The following MNAT1 variants were observed in gnomAD, a reference collection of about 807,000 sequenced individuals.
MNAT1 encodes the protein MNAT1 component of CDK activating kinase.
Under a neutral mutation model 42.0 loss-of-function variants are expected in MNAT1, and 43 were observed. The ratio of observed to expected loss-of-function variants is 1.02; its 90% CI spans 0.80 to 1.32. The LOEUF (loss-of-function observed/expected upper bound fraction) is 1.32. MNAT1 is among the 40% of genes most tolerant of loss of function. The probability of loss-of-function intolerance (pLI) is 0.00; values close to 1 mark genes in which losing one functional copy is unlikely to be tolerated. For missense variants in MNAT1, 306 were observed against 350.4 expected, an observed-to-expected ratio of 0.87 and a Z score of 1.01; for synonymous variants, 118 against 120.0, an observed-to-expected ratio of 0.98 and a Z score of 0.11.
intron 7 of MNAT1, among the ~76,000 whole-genome samples, chr14:60,963,628 G>A (rs1390748016): frequency 6.6e-6 from 1 of 152,152 alleles, no homozygotes; most frequent in Non-Finnish European, 1.5e-5. Context: ...CTTAATGGCA[G>A]TTAGATTTGA....
chr14:60,767,805 G>A (rs111304500), intron 1 of MNAT1, among the ~76,000 whole-genome samples: 17,379 of 151,596 alleles, frequency 0.11, 1,194 homozygotes, highest in Admixed American at 0.21. Flanking sequence ...TCACTCTGTC[G>A]CCAGGCTGGA....
intron 7 of MNAT1, among the ~76,000 whole-genome samples, chr14:60,959,730 G>A (rs1160214379): frequency 6.6e-6 from 1 of 152,166 alleles, no homozygotes; most frequent in Admixed American, 6.5e-5. Context: ...TTCATGGGTA[G>A]CGTCCAATTA....
chr14:60,942,023 A>AAG (rs1266649241), intron 7 of MNAT1, among the ~76,000 whole-genome samples: 1 of 150,406 alleles, frequency 6.6e-6, no homozygotes, highest in African/African-American at 2.4e-5. Context: ...AAAAAAAAAA[A>AAG]AAAAAAAAAG....
At chr14:60,871,407 C>T (rs2052570479) in intron 6 of MNAT1, among the ~76,000 whole-genome samples, 1 of 152,158 alleles carries the variant, frequency 6.6e-6, no homozygotes, top group Non-Finnish European at 1.5e-5. Context: ...CTCTCATCTG[C>T]AGTGTCCATG....
At position 60,916,812 on chromosome 14, in the gene MNAT1, G is replaced by A. The variant is rs368058112; in HGVS notation, c.809+36977G>A. 3.0e-4 allele frequency among the ~76,000 whole-genome samples: 46 copies of A among 152,222 alleles called. No individual in the cohort carries two copies. The East Asian group carries it at 3.9e-3, about 13-fold the overall frequency. ...ACTAAAATATAAAAAAATTAGCCAG[G>A]TGCGGTTGTGCATGCCAGTAGTCCC... On this transcript the variant is annotated intron_variant, in intron 7 of 7. Coordinates refer to ENST00000261245, the MANE Select transcript of MNAT1 (RefSeq NM_002431.4).
At chr14:60,917,003 G>GCCAAA (rs1419621240) in intron 7 of MNAT1, among the ~76,000 whole-genome samples, 17 of 151,984 alleles carry the variant, frequency 1.1e-4, no homozygotes, top group Admixed American at 3.9e-4. Flanking sequence ...AAAATAACCT[G>GCCAAA]TAAGCATTGG....
At chr14:60,909,145 C>A (rs1209180482) in intron 7 of MNAT1, among the ~76,000 whole-genome samples, 2 of 152,126 alleles carry the variant, frequency 1.3e-5, no homozygotes, top group African/African-American at 4.8e-5. Flanking sequence ...GTGTTCATAT[C>A]CTTCACCCAC....
intron 6 of MNAT1, among the ~76,000 whole-genome samples, chr14:60,849,431 G>A (rs1164849431): frequency 6.6e-6 from 1 of 152,142 alleles, no homozygotes; most frequent in African/African-American, 2.4e-5. Context: ...TTGAGTTATA[G>A]TCTGCTCTAA....
chr14:60,902,610 TAAG>T (rs1354256998), intron 7 of MNAT1, among the ~76,000 whole-genome samples: 2 of 152,122 alleles, frequency 1.3e-5, no homozygotes, highest in African/African-American at 4.8e-5. Flanking sequence ...ACTTAGCTAA[TAAG>T]ATACATCCAT....
At chr14:60,863,592 T>C (rs1284247588) in intron 6 of MNAT1, among the ~76,000 whole-genome samples, 3 of 152,122 alleles carry the variant, frequency 2.0e-5, no homozygotes, top group African/African-American at 7.2e-5. Flanking sequence ...AATATACCTA[T>C]CCATGAATTA....
At chr14:60,871,044 C>G (rs191546518) in intron 6 of MNAT1, among the ~76,000 whole-genome samples, 1 of 152,108 alleles carries the variant, frequency 6.6e-6, no homozygotes. Flanking sequence ...TTTTGATGTT[C>G]ATCCATGTTG....
chr14:60,826,409 T>C (rs981135012), intron 6 of MNAT1, among the ~76,000 whole-genome samples: 2 of 149,470 alleles, frequency 1.3e-5, no homozygotes, highest in Non-Finnish European at 3.0e-5. Flanking sequence ...CTCTGCCTCC[T>C]GGGTTCAAGT....
intron 7 of MNAT1, among the ~76,000 whole-genome samples, chr14:60,943,032 GTGT>G (rs2036204603): frequency 7.7e-6 from 1 of 129,698 alleles, no homozygotes; most frequent in Admixed American, 8.2e-5. Context: ...GTGTGTGTGT[GTGT>G]GTGTGTGTGT....
intron 6 of MNAT1, among the ~76,000 whole-genome samples, chr14:60,869,040 AT>A (rs71114162): frequency 2.2e-3 from 250 of 113,000 alleles, no homozygotes; most frequent in Middle Eastern, 5.1e-3. Flanking sequence ...ATATATATAT[AT>A]TTTTTTTTTT....
intron 6 of MNAT1, among the ~76,000 whole-genome samples, chr14:60,850,151 T>G (rs2033788429): frequency 6.6e-6 from 1 of 152,204 alleles, no homozygotes; most frequent in Admixed American, 6.5e-5. Flanking sequence ...TTAGTTTCTT[T>G]AATGAAGATT....
intron 6 of MNAT1, among the ~76,000 whole-genome samples, chr14:60,835,064 G>A (rs1442579792): frequency 7.0e-6 from 1 of 142,836 alleles, no homozygotes; most frequent in Non-Finnish European, 1.5e-5. Context: ...CAGAGTCTAA[G>A]ATTTCAAGCC....
At position 60,913,493 on chromosome 14, in the gene MNAT1, A is replaced by T. The variant is rs558343330; in HGVS notation, c.809+33658A>T. ...TGGGTCTTTGATGATGGTGGCGTCC[A>T]GATGGGTTTTTGGTGTGGATGGCCT... On this transcript the variant is annotated intron_variant, in intron 7 of 7. Coordinates refer to ENST00000261245, the MANE Select transcript of MNAT1 (RefSeq NM_002431.4). Among the ~76,000 whole-genome samples the T allele has an allele frequency of 1.1e-3, 165 of 152,278 alleles. 1 individual carries two copies. Among genetic ancestry groups the T allele is most frequent in the Non-Finnish European group, 1.7e-3 (117 of 68,018 alleles).
chr14:60,799,737 A>G (rs913982329), intron 3 of MNAT1, among the ~76,000 whole-genome samples: 20 of 150,322 alleles, frequency 1.3e-4, no homozygotes, highest in African/African-American at 4.1e-4. Flanking sequence ...CTGCATATAT[A>G]TGTGTGTGTG....
intron 1 of MNAT1, among the ~76,000 whole-genome samples, chr14:60,792,133 C>T (rs1019890955): frequency 6.6e-6 from 1 of 152,014 alleles, no homozygotes; most frequent in Non-Finnish European, 1.5e-5. Flanking sequence ...TAAAATGCAC[C>T]AGGTGTTATT....
Sources: allele counts gnomAD v4.1 joint callset (sites outside exome capture counted in the v4.1 genomes callset), GRCh38; gene constraint gnomAD v4.1.1; transcripts MANE v1.5; gene names NCBI Gene and HGNC (gene_info 2026-07-23, HGNC 2026-07-21).